NTRK3: variants seen among roughly 807,000 people sequenced by gnomAD.
The protein encoded by NTRK3 is NT-3 growth factor receptor.
A neutral mutation model predicts 91.7 loss-of-function variants in NTRK3; 24 were observed. That is an observed-to-expected ratio of 0.26 (90% CI 0.19 to 0.37). The LOEUF is 0.37. Among genes scored for constraint, NTRK3 ranks in the 10% least tolerant of loss-of-function variants. The probability of loss-of-function intolerance (pLI) is 1.00; values close to 1 mark genes in which losing one functional copy is unlikely to be tolerated. For missense variants in NTRK3, 880 were observed against 1,068.9 expected (o/e 0.82, Z 2.46); for synonymous variants, 483 against 404.0 (o/e 1.20, Z -2.34).
At chr15:87,981,613 A>G (rs1298526968) in intron 14 of NTRK3, among the ~76,000 whole-genome samples, 2 of 152,164 alleles carry the variant, frequency 1.3e-5, no homozygotes, top group Non-Finnish European at 2.9e-5. Flanking sequence ...ATTCACCATC[A>G]CCATGAACTC....
Position 88,126,259 on chromosome 15 carries a change from C to G in NTRK3, c.1396+12G>C. ...CCCCATGACGCCCTTGAAAATGAAA[C>G]TCCCACCTTACCCTTCATTCCAAAT... On this transcript the variant is annotated intron_variant, in intron 13 of 18. Coordinates refer to ENST00000394480, the Ensembl canonical transcript of NTRK3. 1 of 1,587,696 alleles carries G rather than the reference C, an allele frequency of 6.3e-7. No homozygotes were observed. The highest frequency in any genetic ancestry group is 1.1e-5 in the South Asian group (1 of 90,542).
At chr15:88,220,352 C>G (rs1040829541) in intron 3 of NTRK3, among the ~76,000 whole-genome samples, 1 of 152,084 alleles carries the variant, frequency 6.6e-6, no homozygotes, top group Non-Finnish European at 1.5e-5. Flanking sequence ...GAAGAATGAC[C>G]GAAACCTCAA....
intron 6 of NTRK3, among the ~76,000 whole-genome samples, chr15:88,145,598 C>A (rs1352641774): frequency 6.6e-6 from 1 of 152,258 alleles, no homozygotes; most frequent in East Asian, 1.9e-4. Context: ...TAAAACTCCA[C>A]GTAACAGGTC....
intron 13 of NTRK3, among the ~76,000 whole-genome samples, chr15:88,039,632 CA>C (rs1033761538): frequency 3.3e-5 from 5 of 152,292 alleles, no homozygotes; most frequent in African/African-American, 1.2e-4. Flanking sequence ...TTCAGGTTCC[CA>C]GATGTTTGAA....
chr15:87,941,326 T>G (rs955097890), intron 14 of NTRK3, among the ~76,000 whole-genome samples: 2 of 152,218 alleles, frequency 1.3e-5, no homozygotes, highest in African/African-American at 4.8e-5. Flanking sequence ...CTTCCTCATC[T>G]GTAAAATGGG....
rs144487319 is a variant in NTRK3 at position 88,136,637 on chromosome 15, G to C, written c.623-28C>G. On this transcript the variant is annotated intron_variant, in intron 7 of 18. Coordinates refer to ENST00000394480, the Ensembl canonical transcript of NTRK3. ...GGGAGCCAGACAAAGTGGGTGAAAA[G>C]ACAGGCAAACACTTACTACCCAAAG... 1.3e-4 allele frequency: 213 copies of C among 1,607,408 alleles called. No homozygotes were observed. The East Asian group carries it at 4.7e-3, about 35-fold the overall frequency.
intron 5 of NTRK3, among the ~76,000 whole-genome samples, chr15:88,170,328 G>A (rs1473428014): frequency 6.6e-6 from 1 of 152,198 alleles, no homozygotes; most frequent in African/African-American, 2.4e-5. Flanking sequence ...TCTTCAAACT[G>A]AGACCAGGTT....
rs993399210 is a variant in NTRK3 at position 88,241,958 on chromosome 15, G to A, written c.248+13948C>T. On this transcript the variant is annotated intron_variant, in intron 3 of 18. Transcript: ENST00000394480. This position sits in a 1 kb window ranked among gnomAD's most constrained non-coding sequence, Gnocchi z 4.3. ...ACCTAGGGACAATGGAGACCTCAGG[G>A]GTCCTGCTCTCCACGGCTTTCCCAG... 6.6e-6 allele frequency among the ~76,000 whole-genome samples: 1 copy of A among 152,162 alleles called. No individual in the cohort carries two copies. The highest frequency in any genetic ancestry group is 2.4e-5 in the African/African-American group (1 of 41,428).
chr15:87,871,639 C>T (rs1490674973), exon 19 of NTRK3: 1 of 229,252 alleles, frequency 4.4e-6, no homozygotes, highest in Non-Finnish European at 8.6e-6. Context: ...TCCAACTTTA[C>T]AAGATGACAG....
intron 16 of NTRK3, 119 bp downstream of exon 16, chr15:87,932,893 A>T: frequency 2.0e-6 from 2 of 1,017,970 alleles, no homozygotes; most frequent in Non-Finnish European, 3.0e-6. Flanking sequence ...GTGTTCATCT[A>T]ATTTCTCATC....
At chr15:88,097,157 AC>A (rs2049694507) in intron 13 of NTRK3, among the ~76,000 whole-genome samples, 1 of 152,260 alleles carries the variant, frequency 6.6e-6, no homozygotes, top group African/African-American at 2.4e-5. Flanking sequence ...ATATAGTATT[AC>A]AATCAATTTC....
intron 14 of NTRK3, among the ~76,000 whole-genome samples, chr15:88,014,446 G>A (rs1311260483): frequency 6.6e-6 from 1 of 152,132 alleles, no homozygotes; most frequent in Non-Finnish European, 1.5e-5. Context: ...GGATCTCTGA[G>A]ATATTTTTCA....
exon 19 of NTRK3, chr15:87,874,601 A>C (rs907478432): frequency 4.3e-6 from 1 of 232,932 alleles, no homozygotes; most frequent in African/African-American, 2.2e-5. Context: ...GACAGAAGCC[A>C]CACAGTGTTT....
At chr15:87,926,901 TCAGA>T (rs991131983) in intron 17 of NTRK3, 1 of 152,156 alleles carries the variant, frequency 6.6e-6, no homozygotes, top group African/African-American at 2.4e-5. Flanking sequence ...CTGAGCACAG[TCAGA>T]CAGACCAGCA....
intron 3 of NTRK3, among the ~76,000 whole-genome samples, chr15:88,238,086 A>G (rs2051971380): frequency 6.6e-6 from 1 of 152,176 alleles, no homozygotes; most frequent in Non-Finnish European, 1.5e-5. Context: ...AGAGAAGACC[A>G]TGTAAAGATA....
At chr15:88,161,676 G>A (rs1390071341) in intron 5 of NTRK3, among the ~76,000 whole-genome samples, 2 of 152,160 alleles carry the variant, frequency 1.3e-5, no homozygotes, top group African/African-American at 4.8e-5. Context: ...AACCAGAAAT[G>A]AGCTACATAC....
At chr15:88,138,271 G>T (rs575897577) in intron 6 of NTRK3, among the ~76,000 whole-genome samples, 1 of 151,852 alleles carries the variant, frequency 6.6e-6, no homozygotes, top group African/African-American at 2.4e-5. Flanking sequence ...TTAGCCGGGC[G>T]TGGTGGTGGG....
intron 13 of NTRK3, among the ~76,000 whole-genome samples, chr15:88,119,819 C>A (rs61210781): frequency 7.0e-4 from 106 of 152,298 alleles, no homozygotes; most frequent in African/African-American, 2.4e-3. Flanking sequence ...TAAATGTAGT[C>A]AAATAAGTGT....
At chr15:88,024,551 C>T (rs1031553276) in intron 14 of NTRK3, among the ~76,000 whole-genome samples, 7 of 152,236 alleles carry the variant, frequency 4.6e-5, no homozygotes, top group South Asian at 2.1e-4. Flanking sequence ...GCCAAGACGA[C>T]GCCAAGACAG....
Sources: allele counts gnomAD v4.1 joint callset (sites outside exome capture counted in the v4.1 genomes callset), GRCh38; gene constraint gnomAD v4.1.1; non-coding constraint Gnocchi (gnomAD v3.1); transcripts MANE v1.5; gene names NCBI Gene and HGNC (gene_info 2026-07-23, HGNC 2026-07-21).